Variants in AGAP4 observed in about 807,000 individuals in gnomAD.
AGAP4 encodes arf-GAP with GTPase, ANK repeat and PH domain-containing protein 4.
AGAP4 carries 13 observed loss-of-function variants against 60.7 expected under a neutral mutation model. That is an observed-to-expected ratio of 0.21 (90% CI 0.14 to 0.34). The LOEUF is 0.34. Among genes scored for constraint, AGAP4 ranks in the 10% least tolerant of loss-of-function variants. AGAP4 has a pLI of 1.00. For synonymous variants in AGAP4, 70 were observed against 339.0 expected, an observed-to-expected ratio of 0.21 and a Z score of 8.72; for missense variants, 169 against 884.0, an observed-to-expected ratio of 0.19 and a Z score of 10.26.
At chr10:45,854,118 C>T (rs1198761396), upstream of AGAP4, 1 of 251,410 alleles carries the variant, frequency 4.0e-6, no homozygotes, top group Non-Finnish European at 7.2e-6. Context: ...AAAATTCTGT[C>T]TTGATTATGG....
chr10:45,844,908 T>G (rs1242394454), intron 2 of AGAP4, among the ~76,000 whole-genome samples: 1 of 122,848 alleles, frequency 8.1e-6, no homozygotes, highest in African/African-American at 2.9e-5. Context: ...CATAGTCATG[T>G]GATATCTCTA....
upstream of AGAP4, chr10:45,847,951 A>C (rs2059026946): frequency 9.6e-7 from 1 of 1,039,602 alleles, no homozygotes; most frequent in South Asian, 3.6e-5. Flanking sequence ...CTGAGATTTT[A>C]GTCCTAAGAA....
At chr10:45,850,883 T>C (rs3098115), upstream of AGAP4, among the ~76,000 whole-genome samples, 17 of 152,090 alleles carry the variant, frequency 1.1e-4, no homozygotes, top group African/African-American at 3.1e-4. Context: ...TGAATATAAA[T>C]CTCTGTAGGC....
At chr10:45,844,704 G>C (rs1446368641) in intron 2 of AGAP4, among the ~76,000 whole-genome samples, 2 of 145,110 alleles carry the variant, frequency 1.4e-5, no homozygotes, top group South Asian at 2.4e-4. Context: ...TTTTGGCTTT[G>C]AGTTGTGTAA....
upstream of AGAP4, among the ~76,000 whole-genome samples, chr10:45,851,400 A>C (rs1183245072): frequency 2.6e-5 from 4 of 151,960 alleles, no homozygotes; most frequent in Non-Finnish European, 1.5e-5. Flanking sequence ...ATAGGTACTC[A>C]ACATGTATTA....
upstream of AGAP4, among the ~76,000 whole-genome samples, chr10:45,851,206 G>C (rs1298191336): frequency 1.3e-5 from 2 of 152,190 alleles, no homozygotes; most frequent in Admixed American, 1.3e-4. Flanking sequence ...GGAGAACTGG[G>C]AAGAAAGAAG....
chr10:45,834,071 T>C lies in AGAP4; in HGVS notation c.442A>G (p.Ile148Val). 5 of 1,594,134 alleles carry C rather than the reference T, an allele frequency of 3.1e-6. No individual in the cohort carries two copies. Among genetic ancestry groups the C allele is most frequent in the Non-Finnish European group, 2.6e-6 (3 of 1,171,760 alleles). Reference protein sequence around the residue: ...FSQQYSLCSTIFLDDSTAIQH... With the variant: ...FSQQYSLCSTVFLDDSTAIQH... ...ATGGCTGTGCTGTCATCAAGGAATATTGTCGAACACAAGCTGTATTGTTGA... is the reference window on the plus strand; with the variant it reads ...ATGGCTGTGCTGTCATCAAGGAATACTGTCGAACACAAGCTGTATTGTTGA... The change falls in exon 5 of 8, where the codon ATA (isoleucine) becomes GTA (valine). Residue 148 changes from isoleucine to valine, a missense_variant. Physicochemically the swap from Ile to Val is conservative, Grantham distance 29. Transcript: ENST00000616763.
At chr10:45,850,584 A>G (rs2059071331), upstream of AGAP4, among the ~76,000 whole-genome samples, 1 of 152,264 alleles carries the variant, frequency 6.6e-6, no homozygotes, top group Non-Finnish European at 1.5e-5. Flanking sequence ...AAACAAATTA[A>G]GAGACTTTCT....
At chr10:45,834,674 CAA>C (rs1174820110) in intron 4 of AGAP4, among the ~76,000 whole-genome samples, 175 of 15,182 alleles carry the variant, frequency 0.012, no homozygotes, top group Non-Finnish European at 0.014. Context: ...GACTCCGCCT[CAA>C]AAAAAAAAAA....
At chr10:45,834,890 C>G (rs2058792794) in intron 4 of AGAP4, among the ~76,000 whole-genome samples, 1 of 146,174 alleles carries the variant, frequency 6.8e-6, no homozygotes, top group Admixed American at 6.7e-5. Flanking sequence ...TCTCCTGACT[C>G]AGCCTCCTGA....
upstream of AGAP4, among the ~76,000 whole-genome samples, chr10:45,848,533 C>G (rs1308473357): frequency 1.3e-5 from 2 of 151,190 alleles, no homozygotes; most frequent in African/African-American, 2.4e-5. Flanking sequence ...GCTCATTTAA[C>G]CCTCAGAAAC....
At chr10:45,844,653 C>A (rs1221550763) in intron 2 of AGAP4, 2 of 262,232 alleles carry the variant, frequency 7.6e-6, no homozygotes, top group African/African-American at 2.9e-5. Context: ...CATAATGACA[C>A]CCTCCTTTAT....
At chr10:45,852,230 A>C (rs1172091336), upstream of AGAP4, among the ~76,000 whole-genome samples, 86 of 129,586 alleles carry the variant, frequency 6.6e-4, no homozygotes, top group Middle Eastern at 7.6e-3. Context: ...AAAAAAAAAA[A>C]AAAAAAAAAA....
intron 1 of AGAP4, among the ~76,000 whole-genome samples, chr10:45,852,703 G>A (rs2059099900): frequency 6.6e-6 from 1 of 151,782 alleles, no homozygotes; most frequent in Admixed American, 6.6e-5. Flanking sequence ...TGAAATGCGG[G>A]AAACCACAGT....
chr10:45,846,975 G>T (rs1161186998), intron 1 of AGAP4, 150 bp downstream of exon 1: 1 of 1,592,072 alleles, frequency 6.3e-7, no homozygotes, highest in African/African-American at 1.3e-5. Context: ...GGGAATTCAA[G>T]GCAGAGCCAG....
At chr10:45,834,773 A>AATTT (rs1242855668) in intron 4 of AGAP4, among the ~76,000 whole-genome samples, 3 of 135,820 alleles carry the variant, frequency 2.2e-5, no homozygotes, top group East Asian at 4.2e-4. Flanking sequence ...TTAATTAATT[A>AATTT]ATTTATTTAT....
rs1392745644 is a variant in AGAP4 at position 45,830,708 on chromosome 10, A to G, written c.533+686T>C. Among the ~76,000 whole-genome samples the G allele has an allele frequency of 3.9e-5, 5 of 128,326 alleles. 1 individual carries two copies. Among genetic ancestry groups the G allele is most frequent in the Non-Finnish European group, 6.8e-5 (4 of 59,110 alleles). 84.2% of individuals were successfully genotyped at this position (128,326 alleles called of 152,430 possible). ...CGCTGTGTTAGCCAGGATGGTCTCG[A>G]TCTCCTGACCTTGTGATCCGCCCGC... is the stretch of plus-strand genomic sequence containing the variant. On this transcript the variant is annotated intron_variant, in intron 6 of 7. Transcript: ENST00000616763.
chr10:45,838,080 CAT>C lies in AGAP4; in HGVS notation c.396+3571_396+3572del, dbSNP rs4042902. 5.5e-4 allele frequency among the ~76,000 whole-genome samples: 81 copies of C among 146,218 alleles called. 1 individual carries two copies. Among genetic ancestry groups the C allele is most frequent in the African/African-American group, 1.7e-3 (63 of 37,594 alleles). On this transcript the variant is annotated intron_variant, in intron 4 of 7. Coordinates refer to ENST00000616763, the MANE Select transcript of AGAP4 (RefSeq NM_001276343.3). ...GGATAAAGAAACCGTGATATACATACATATATATATATATATGAGGAATACCA... is the reference window on the plus strand; with the variant it reads ...GGATAAAGAAACCGTGATATACATACATATATATATATATGAGGAATACCA...
chr10:45,848,048 A>T (rs1173272844), upstream of AGAP4: 1 of 989,348 alleles, frequency 1.0e-6, no homozygotes, highest in Non-Finnish European at 1.2e-6. Flanking sequence ...TTAGCAACCA[A>T]GTTGAACAAC....
Sources: allele counts gnomAD v4.1 joint callset (sites outside exome capture counted in the v4.1 genomes callset), GRCh38; gene constraint gnomAD v4.1.1; transcripts MANE v1.5; gene names NCBI Gene and HGNC (gene_info 2026-07-23, HGNC 2026-07-21).